Variants in BRSK2 observed in about 807,000 individuals in gnomAD.
The protein encoded by BRSK2 is BR serine/threonine kinase 2, also known as serine/threonine-protein kinase BRSK2.
A neutral mutation model predicts 83.3 loss-of-function variants in BRSK2; 19 were observed. That is an observed-to-expected ratio of 0.23 (90% CI 0.16 to 0.33). The LOEUF (loss-of-function observed/expected upper bound fraction) is 0.33. BRSK2 is among the 10% of genes least tolerant of loss of function. BRSK2 has a pLI of 1.00. For missense variants in BRSK2, 798 were observed against 1,042.3 expected (o/e 0.77, Z 3.23); for synonymous variants, 519 against 435.4 (o/e 1.19, Z -2.39).
At chr11:1,458,741 G>C (rs1357940099) in intron 18 of BRSK2, among the ~76,000 whole-genome samples, 1 of 152,214 alleles carries the variant, frequency 6.6e-6, no homozygotes, top group Non-Finnish European at 1.5e-5. Context: ...AGGCCCAGCA[G>C]TAGGGAAGAG....
intron 1 of BRSK2, among the ~76,000 whole-genome samples, chr11:1,424,813 A>G (rs555339693): frequency 1.3e-3 from 188 of 139,304 alleles, no homozygotes; most frequent in Non-Finnish European, 2.4e-3. Flanking sequence ...GCTCCCTGGG[A>G]CCTACTGGCG....
chr11:1,459,389 C>CTCTA (rs1847115310), intron 19 of BRSK2, 150 bp downstream of exon 19: 1 of 865,218 alleles, frequency 1.2e-6, no homozygotes, highest in African/African-American at 1.7e-5. Flanking sequence ...CGGCCCCATC[C>CTCTA]TCTACCAGGA....
chr11:1,411,781 A>G, intron 1 of BRSK2: 3 of 1,196,818 alleles, frequency 2.5e-6, no homozygotes, highest in Non-Finnish European at 3.5e-6. Context: ...GCGGGTTCCT[A>G]CGCTGGCGCT....
At chr11:1,459,336 G>A in intron 19 of BRSK2, 97 bp downstream of exon 19, 1 of 1,424,028 alleles carries the variant, frequency 7.0e-7, no homozygotes, top group Non-Finnish European at 9.9e-7. Flanking sequence ...GGTTGTCCCG[G>A]CCTCCCTGTG....
intron 1 of BRSK2, among the ~76,000 whole-genome samples, chr11:1,424,726 A>G (rs117103623): frequency 0.025 from 3,583 of 142,806 alleles, 57 homozygotes; most frequent in Non-Finnish European, 0.034. Context: ...GACTGTTTGG[A>G]CAGAGGGAGT....
rs1257093472 is a variant in BRSK2 at position 1,461,247 on chromosome 11, G to C, written c.*524G>C. ...ACAGCCTGCCTGGTGGCCTTCTGGG[G>C]CCAGGACCCCTGGTGGGCAACGTAG... On this transcript the variant is annotated 3_prime_UTR_variant, in exon 20 of 20. Transcript: ENST00000528841. 3.5e-6 allele frequency: 2 copies of C among 576,278 alleles called. No homozygotes were observed. Among genetic ancestry groups the C allele is most frequent in the South Asian group, 2.1e-5 (1 of 46,736 alleles). The allele number at this position is 576,278 out of a possible 1,614,324, so 35.7% of individuals were successfully genotyped here.
intron 1 of BRSK2, among the ~76,000 whole-genome samples, chr11:1,434,393 TG>T (rs1045812400): frequency 1.4e-5 from 2 of 143,848 alleles, no homozygotes; most frequent in African/African-American, 5.2e-5. Flanking sequence ...TGTGATAATA[TG>T]GGCCGGCTCT....
At chr11:1,457,084 G>A (rs774134171) in intron 18 of BRSK2, 52 of 1,514,664 alleles carry the variant, frequency 3.4e-5, no homozygotes, top group Non-Finnish European at 4.2e-5. Flanking sequence ...GCGGGGAGGG[G>A]CTGCGGGCAG....
At chr11:1,411,013 G>GT (rs1847428220) in intron 1 of BRSK2, 2 of 1,003,168 alleles carry the variant, frequency 2.0e-6, no homozygotes, top group Non-Finnish European at 2.4e-6. Flanking sequence ...GAGAACAGCC[G>GT]TGCGTCTGCC....
chr11:1,395,459 C>T (rs1043188563), intron 1 of BRSK2, among the ~76,000 whole-genome samples: 4 of 152,218 alleles, frequency 2.6e-5, no homozygotes, highest in Non-Finnish European at 2.9e-5. Flanking sequence ...CCACAGGGAG[C>T]CCCCTTTCCA....
At chr11:1,452,214 G>C (rs546681930) in intron 15 of BRSK2, among the ~76,000 whole-genome samples, 2 of 152,304 alleles carry the variant, frequency 1.3e-5, no homozygotes, top group South Asian at 2.1e-4. Flanking sequence ...TAAACCAGGG[G>C]CCCCTGTGGA....
At chr11:1,445,238 C>T (rs1364968119) in intron 9 of BRSK2, 56 bp from the exon 10 acceptor site, 9 of 1,549,194 alleles carry the variant, frequency 5.8e-6, no homozygotes, top group East Asian at 2.3e-5. Context: ...CCCACCCTCG[C>T]AGCCGCCCAG....
At chr11:1,406,192 C>T (rs1030925952) in intron 1 of BRSK2, among the ~76,000 whole-genome samples, 5 of 152,216 alleles carry the variant, frequency 3.3e-5, no homozygotes, top group Non-Finnish European at 5.9e-5. Context: ...TAAACTGGGC[C>T]GGGCGCAGTG....
chr11:1,461,076 C>T lies in BRSK2; in HGVS notation c.*353C>T. 1 of 1,573,536 alleles carries T rather than the reference C, an allele frequency of 6.4e-7. No individual in the cohort carries two copies. Among genetic ancestry groups the T allele is most frequent in the Non-Finnish European group, 8.7e-7 (1 of 1,152,832 alleles). On this transcript the variant is annotated 3_prime_UTR_variant, in exon 20 of 20. Coordinates refer to ENST00000528841, the MANE Select transcript of BRSK2 (RefSeq NM_001256627.2). ...CTCCGCTCCTGCTGTTGCTGCCGGG[C>T]AGTGAGGCCCAGCCCAGCGCCCCGT... is the stretch of plus-strand genomic sequence containing the variant.
At chr11:1,417,316 A>G (rs1373585558) in intron 1 of BRSK2, among the ~76,000 whole-genome samples, 1 of 152,204 alleles carries the variant, frequency 6.6e-6, no homozygotes, top group Non-Finnish European at 1.5e-5. Flanking sequence ...GCTTGTCAGG[A>G]TAGTTTCTGC....
Position 1,436,058 on chromosome 11 carries a change from T to C in BRSK2, c.110T>C (p.Val37Ala). The C allele has an allele frequency of 6.2e-7, 1 of 1,605,400 alleles. No individual in the cohort carries two copies. The highest frequency in any genetic ancestry group is 8.5e-7 in the Non-Finnish European group (1 of 1,176,548). The stretch of plus-strand genomic sequence containing the variant: ...CCCGCAGGTCTGGTGAAGCTGGGGG[T>C]TCACTGCGTCACCTGCCAGAAGGTG... ...KGQTGLVKLG[V>A]HCVTCQKVAI... Residue 37 changes from valine (V) to alanine (A), a missense_variant, in exon 2 of 20, where the codon GTT becomes GCT. Physicochemically the swap from Val to Ala is moderately conservative, Grantham distance 64 (BLOSUM62 0). This residue lies in a region of BRSK2 where 109 missense variants were observed against 259.2 expected (regional missense o/e 0.42). Transcript: ENST00000528841.
chr11:1,409,787 G>C (rs767721479), intron 1 of BRSK2: 1 of 152,132 alleles, frequency 6.6e-6, no homozygotes, highest in Non-Finnish European at 1.5e-5. Flanking sequence ...CCGAGATGGG[G>C]AGCCTGCCGG....
chr11:1,434,040 G>A lies in BRSK2; in HGVS notation c.92-2000G>A, dbSNP rs149626065. On this transcript the variant is annotated intron_variant, in intron 1 of 19. Coordinates refer to ENST00000528841, the MANE Select transcript of BRSK2 (RefSeq NM_001256627.2). Reference sequence around the variant, plus strand: ...GGGGCCGGGGGAATGGAGGTTTGACGCGTGAGACAAAGGATTAATTTCCCA... The same window carrying A: ...GGGGCCGGGGGAATGGAGGTTTGACACGTGAGACAAAGGATTAATTTCCCA... Among the ~76,000 whole-genome samples, 582 of 152,378 alleles carry A rather than the reference G, an allele frequency of 3.8e-3. 5 individuals carry two copies. The highest frequency in any genetic ancestry group is 0.013 in the African/African-American group (550 of 41,590).
At chr11:1,396,467 C>T (rs186287092) in intron 1 of BRSK2, among the ~76,000 whole-genome samples, 47 of 152,328 alleles carry the variant, frequency 3.1e-4, no homozygotes, top group African/African-American at 1.0e-3. Flanking sequence ...CACCCTGCTC[C>T]GGCGCTCTGG....
Sources: allele counts gnomAD v4.1 joint callset (sites outside exome capture counted in the v4.1 genomes callset), GRCh38; gene constraint gnomAD v4.1.1; regional missense constraint gnomAD v4.1.1; transcripts MANE v1.5; gene names NCBI Gene and HGNC (gene_info 2026-07-23, HGNC 2026-07-21).